The following CPA6 variants were observed in gnomAD, a reference collection of about 807,000 sequenced individuals.
The protein encoded by CPA6 is carboxypeptidase B.
Under a neutral mutation model 63.3 loss-of-function variants are expected in CPA6, and 58 were observed. That is an observed-to-expected ratio of 0.92 (90% CI 0.74 to 1.14). CPA6 has a LOEUF of 1.14. Ranked by LOEUF, CPA6 falls within the 50% of genes most tolerant of loss-of-function variation. The pLI is 0.00. For synonymous variants in CPA6, 185 were observed against 179.0 expected, an observed-to-expected ratio of 1.03 and a Z score of -0.27; for missense variants, 565 against 526.6, an observed-to-expected ratio of 1.07 and a Z score of -0.71.
chr8:67,625,713 T>A (rs774172079), intron 1 of CPA6, among the ~76,000 whole-genome samples: 5 of 152,198 alleles, frequency 3.3e-5, no homozygotes, highest in Non-Finnish European at 5.9e-5. Flanking sequence ...CATTTTACAA[T>A]GATTAAAGAT....
At chr8:67,708,357 T>A (rs932802734) in intron 1 of CPA6, among the ~76,000 whole-genome samples, 11 of 152,220 alleles carry the variant, frequency 7.2e-5, no homozygotes, top group African/African-American at 2.7e-4. Context: ...AAAAAAATTA[T>A]GTTTCAAGAA....
intron 1 of CPA6, among the ~76,000 whole-genome samples, chr8:67,624,806 T>C (rs1392268028): frequency 6.6e-6 from 1 of 152,148 alleles, no homozygotes; most frequent in East Asian, 1.9e-4. Context: ...AAGAGGGCCG[T>C]CGGCGTTAGA....
intron 2 of CPA6, among the ~76,000 whole-genome samples, chr8:67,560,513 A>G (rs1813183338): frequency 1.3e-5 from 2 of 152,300 alleles, no homozygotes; most frequent in South Asian, 4.1e-4. Context: ...CCTTTGTATA[A>G]TGCAATAAAC....
At chr8:67,661,127 G>C (rs538149600) in intron 1 of CPA6, among the ~76,000 whole-genome samples, 12 of 152,316 alleles carry the variant, frequency 7.9e-5, no homozygotes, top group Admixed American at 3.9e-4. Context: ...CAAAGCAGGG[G>C]AGGAGAACAC....
chr8:67,478,311 T>A (rs776678367), intron 8 of CPA6, among the ~76,000 whole-genome samples: 2 of 152,224 alleles, frequency 1.3e-5, no homozygotes, highest in Admixed American at 1.3e-4. Context: ...ATCTCTTTCA[T>A]CTGGCTGTTT....
At chr8:67,530,703 G>T (rs1254513662) in intron 2 of CPA6, among the ~76,000 whole-genome samples, 1 of 152,148 alleles carries the variant, frequency 6.6e-6, no homozygotes, top group Non-Finnish European at 1.5e-5. Context: ...ACTACACAAG[G>T]AACAGGATCA....
rs141746734 is a variant in CPA6, at chr8:67,627,912, C to T, written c.117-3661G>A. The stretch of plus-strand genomic sequence containing the variant: ...AAACTATTACCGAATGCCTTCTGAG[C>T]ATGTATGCACCTACAGAAAATTCAG... On this transcript the variant is annotated intron_variant, in intron 1 of 10. Coordinates refer to ENST00000297770, the MANE Select transcript of CPA6 (RefSeq NM_020361.5). Among the ~76,000 whole-genome samples the T allele has an allele frequency of 6.6e-5, 10 of 152,274 alleles. No individual in the cohort carries two copies. In the East Asian group the frequency reaches 1.7e-3, roughly 26 times the overall value.
intron 2 of CPA6, among the ~76,000 whole-genome samples, chr8:67,606,179 T>C (rs1814632096): frequency 9.6e-6 from 1 of 103,896 alleles, no homozygotes; most frequent in Non-Finnish European, 1.9e-5. Context: ...CTGGGGACTG[T>C]TTTGGGGTGG....
chr8:67,677,063 A>C (rs1038440043), intron 1 of CPA6, among the ~76,000 whole-genome samples: 3 of 152,200 alleles, frequency 2.0e-5, no homozygotes, highest in Admixed American at 2.0e-4. Context: ...CAGGGACATC[A>C]TTCACATTTA....
intron 1 of CPA6, among the ~76,000 whole-genome samples, chr8:67,648,643 G>T (rs1815769103): frequency 6.6e-6 from 1 of 152,162 alleles, no homozygotes; most frequent in Non-Finnish European, 1.5e-5. Context: ...TAATTTCTGT[G>T]AGGTTTTAAC....
chr8:67,518,505 TTTTC>T (rs1226010504), intron 2 of CPA6, among the ~76,000 whole-genome samples: 9 of 121,214 alleles, frequency 7.4e-5, no homozygotes, highest in East Asian at 4.5e-4. Flanking sequence ...TTTTCTTTTC[TTTTC>T]TTTTTTTTTT....
chr8:67,728,568 A>G (rs1817648312), intron 1 of CPA6, among the ~76,000 whole-genome samples: 1 of 152,224 alleles, frequency 6.6e-6, no homozygotes, highest in Admixed American at 6.5e-5. Context: ...ACGTCTTTCC[A>G]TGCACTCTAA....
intron 2 of CPA6, among the ~76,000 whole-genome samples, chr8:67,622,011 C>T (rs868516788): frequency 1.1e-4 from 16 of 152,276 alleles, no homozygotes; most frequent in Middle Eastern, 3.4e-3. Context: ...TTATAAGTAA[C>T]CCCTACAGTC....
intron 2 of CPA6, among the ~76,000 whole-genome samples, chr8:67,591,317 T>C (rs1160716508): frequency 4.6e-4 from 70 of 151,638 alleles, no homozygotes; most frequent in African/African-American, 1.5e-3. Flanking sequence ...AGTCAGGTAG[T>C]GTGATGCCTC....
intron 2 of CPA6, among the ~76,000 whole-genome samples, chr8:67,607,122 T>TCCC (rs1484629433): frequency 6.4e-5 from 6 of 93,190 alleles, no homozygotes; most frequent in African/African-American, 4.5e-4. Context: ...CTCCTCCTCC[T>TCCC]CCTCCTCCTC....
chr8:67,565,798 C>T (rs958299077), intron 2 of CPA6, among the ~76,000 whole-genome samples: 3 of 152,168 alleles, frequency 2.0e-5, no homozygotes, highest in Non-Finnish European at 2.9e-5. Context: ...AGCACCTTGA[C>T]TCTCAGGAAG....
chr8:67,701,943 A>G (rs1817033206), intron 1 of CPA6, among the ~76,000 whole-genome samples: 1 of 152,124 alleles, frequency 6.6e-6, no homozygotes, highest in Non-Finnish European at 1.5e-5. Context: ...CCCCTTTTGT[A>G]TTCATCCCCA....
At position 67,746,099 on chromosome 8, in the gene CPA6, C is replaced by T. The variant is rs1201869165; in HGVS notation, c.31G>A (p.Ala11Thr). 1 of 1,613,684 alleles carries T rather than the reference C, an allele frequency of 6.2e-7. No homozygotes were observed. Among genetic ancestry groups the T allele is most frequent in the Non-Finnish European group, 8.5e-7 (1 of 1,179,816 alleles). Reference protein sequence around the residue: MKCLGKRRGQAAAFLPLCWLF... With the variant: MKCLGKRRGQTAAFLPLCWLF... ...CAGCAAAGAGGCAGGAAAGCAGCTG[C>T]CTGGCCCCTGCGCTTCCCGAGACAC... Residue 11 changes from alanine to threonine, a missense_variant, in exon 1 of 11, where the codon GCA becomes ACA. Ala to Thr is a moderately conservative substitution (Grantham distance 58). Transcript: ENST00000297770.
At chr8:67,671,877 C>A (rs1816354936) in intron 1 of CPA6, among the ~76,000 whole-genome samples, 1 of 152,156 alleles carries the variant, frequency 6.6e-6, no homozygotes, top group Admixed American at 6.5e-5. Flanking sequence ...ATTGTGCAGG[C>A]TGGAGTGCAG....
Sources: allele counts gnomAD v4.1 joint callset (sites outside exome capture counted in the v4.1 genomes callset), GRCh38; gene constraint gnomAD v4.1.1; transcripts MANE v1.5; gene names NCBI Gene and HGNC (gene_info 2026-07-23, HGNC 2026-07-21).